The following MAPK8IP3 variants were observed in gnomAD, a reference collection of about 807,000 sequenced individuals.
MAPK8IP3 encodes the protein C-Jun-amino-terminal kinase-interacting protein 3.
Under a neutral mutation model 157.8 loss-of-function variants are expected in MAPK8IP3, and 49 were observed. The ratio of observed to expected loss-of-function variants is 0.31; its 90% CI spans 0.25 to 0.39. MAPK8IP3 has a LOEUF of 0.39. Ranked by LOEUF, MAPK8IP3 falls within the 10% of genes least tolerant of loss-of-function variation. The probability of loss-of-function intolerance (pLI) is 1.00; values close to 1 mark genes in which losing one functional copy is unlikely to be tolerated. For missense variants in MAPK8IP3, 1,478 were observed against 1,889.4 expected (o/e 0.78, Z 4.04); for synonymous variants, 897 against 777.7 (o/e 1.15, Z -2.55).
rs972375170 is a variant in MAPK8IP3, at chr16:1,764,865, T to A, written c.2281-148T>A. On this transcript the variant is annotated intron_variant, in intron 19 of 31. Transcript: ENST00000610761. The stretch of plus-strand genomic sequence containing the variant: ...TTTAGAGTGCAGTCCTGAGTCCGCA[T>A]TGTTCTGGTCCTGGGGGAGGACAGC... The A allele has an allele frequency of 2.9e-5, 22 of 746,928 alleles. 1 individual carries two copies. In the East Asian group the frequency reaches 6.0e-4, roughly 20 times the overall value. 46.3% of individuals were successfully genotyped at this position (746,928 alleles called of 1,614,324 possible). A position where few individuals can be genotyped will look rare whatever the true frequency, so the allele number is the denominator to read the frequency against.
intron 1 of MAPK8IP3, chr16:1,707,486 G>A (rs529461107): frequency 6.6e-6 from 1 of 152,394 alleles, no homozygotes; most frequent in East Asian, 1.9e-4. Flanking sequence ...TCTGTGCTAG[G>A]ATGTCTCCAT....
chr16:1,747,777 C>T (rs529149486), intron 6 of MAPK8IP3, among the ~76,000 whole-genome samples: 3 of 151,682 alleles, frequency 2.0e-5, no homozygotes, highest in South Asian at 2.1e-4. Context: ...CATCGCCCCA[C>T]GGCACACAGC....
At chr16:1,734,253 C>G (rs1055711370) in intron 4 of MAPK8IP3, among the ~76,000 whole-genome samples, 1 of 152,264 alleles carries the variant, frequency 6.6e-6, no homozygotes, top group Non-Finnish European at 1.5e-5. Context: ...CATGCCGAGG[C>G]CCTGACGGGA....
intron 8 of MAPK8IP3, among the ~76,000 whole-genome samples, chr16:1,757,739 C>T (rs539595365): frequency 1.1e-3 from 162 of 151,958 alleles, no homozygotes; most frequent in Non-Finnish European, 1.9e-3. Flanking sequence ...GTGTCTCCCT[C>T]GCCGCTCTCT....
chr16:1,735,437 GCATCCGTGTGAC>G (rs1215093587), intron 4 of MAPK8IP3, among the ~76,000 whole-genome samples: 3 of 147,108 alleles, frequency 2.0e-5, no homozygotes, highest in Non-Finnish European at 3.0e-5. Flanking sequence ...ATCCGTGTGA[GCATCCGTGTGAC>G]CGTCCGTGTG....
At chr16:1,768,169 G>T (rs755737622) in intron 29 of MAPK8IP3, 30 bp from the exon 30 acceptor site, 1 of 1,611,904 alleles carries the variant, frequency 6.2e-7, no homozygotes, top group South Asian at 1.1e-5. Flanking sequence ...CTGTATGCGG[G>T]CTCAGCGCCT....
At chr16:1,729,083 T>G in intron 2 of MAPK8IP3, 55 bp from the exon 3 acceptor site, 1 of 1,543,780 alleles carries the variant, frequency 6.5e-7, no homozygotes, top group Non-Finnish European at 9.0e-7. Flanking sequence ...AACCCAAGAG[T>G]TCAGGGCCAT....
At chr16:1,767,983 G>T in intron 28 of MAPK8IP3, 65 bp downstream of exon 28, 1 of 1,608,162 alleles carries the variant, frequency 6.2e-7, no homozygotes, top group Non-Finnish European at 8.5e-7. Context: ...TTCACGGGGT[G>T]GCTCTGCAGG....
At chr16:1,765,877 C>T (rs1398135055) in intron 20 of MAPK8IP3, 83 bp from the exon 21 acceptor site, 18 of 1,316,466 alleles carry the variant, frequency 1.4e-5, no homozygotes, top group Admixed American at 2.2e-5. Flanking sequence ...GCCCCGGCTT[C>T]CTCTGCCCCT....
rs376880718 is a variant in MAPK8IP3 at position 1,762,875 on chromosome 16, G to A, written c.1767G>A (p.Pro589=). ...TCAGCTCTTCCTCCAGCCCCCCTCC[G>A]GCCAAGCGCCCCTATCCCTCGGTGA... is the stretch of plus-strand genomic sequence containing the variant. ...RLFSSSSSPP[P]AKRPYPSVNI... Residue 589 remains proline, a synonymous_variant, in exon 16 of 32, where the codon CCG becomes CCA. Coordinates refer to ENST00000610761, the MANE Select transcript of MAPK8IP3 (RefSeq NM_001318852.2). The A allele has an allele frequency of 2.7e-5, 44 of 1,612,992 alleles. No individual in the cohort carries two copies. The highest frequency in any genetic ancestry group is 1.6e-4 in the African/African-American group (12 of 75,000).
Position 1,706,761 on chromosome 16 carries a change from C to T in MAPK8IP3, c.318+104C>T, listed in dbSNP as rs2142249238. 2.3e-6 allele frequency: 3 copies of T among 1,292,450 alleles called. No homozygotes were observed. Among genetic ancestry groups the T allele is most frequent in the South Asian group, 1.6e-5 (1 of 63,216 alleles). 80.1% of individuals were successfully genotyped at this position (1,292,450 alleles called of 1,614,324 possible). The stretch of plus-strand genomic sequence containing the variant: ...CCGACCCCAGACCCCGCTCCGGCAC[C>T]CCGGACCGCGGGACCCCTGGACCCC... On this transcript the variant is annotated intron_variant, in intron 1 of 31. Coordinates refer to ENST00000610761, the MANE Select transcript of MAPK8IP3 (RefSeq NM_001318852.2). This position sits in a 1 kb window ranked among gnomAD's most constrained non-coding sequence, Gnocchi z 5.1.
chr16:1,761,456 G>T, intron 13 of MAPK8IP3, 151 bp downstream of exon 13: 2 of 625,640 alleles, frequency 3.2e-6, no homozygotes, highest in Non-Finnish European at 5.8e-6. Context: ...AGGCAGAGCG[G>T]CCACCATTCA....
chr16:1,755,294 A>G (rs1365371072), intron 8 of MAPK8IP3, among the ~76,000 whole-genome samples: 1 of 152,192 alleles, frequency 6.6e-6, no homozygotes, highest in African/African-American at 2.4e-5. Flanking sequence ...TGTAAAATGA[A>G]GTCTAAGCCT....
intron 4 of MAPK8IP3, among the ~76,000 whole-genome samples, chr16:1,738,633 C>T (rs1426899702): frequency 9.0e-6 from 1 of 111,198 alleles, no homozygotes; most frequent in South Asian, 3.6e-4. Context: ...TCGGTGTGAG[C>T]GTGTGAGCGT....
At chr16:1,745,129 C>T in intron 5 of MAPK8IP3, 1 of 985,276 alleles carries the variant, frequency 1.0e-6, no homozygotes, top group South Asian at 4.7e-5. Context: ...GGGGAGTGTC[C>T]CATGGGTAAG....
At chr16:1,720,754 G>C (rs1460747652) in intron 1 of MAPK8IP3, among the ~76,000 whole-genome samples, 3 of 152,194 alleles carry the variant, frequency 2.0e-5, no homozygotes, top group Non-Finnish European at 2.9e-5. Context: ...TCCAGGCCAG[G>C]CCGGGTGCAG....
chr16:1,734,305 G>T (rs954113433), intron 4 of MAPK8IP3, among the ~76,000 whole-genome samples: 22 of 152,258 alleles, frequency 1.4e-4, no homozygotes, highest in African/African-American at 5.3e-4. Context: ...GCTATGGCTG[G>T]GCTACCCCTG....
At chr16:1,764,711 C>T (rs1596795343) in intron 19 of MAPK8IP3, among the ~76,000 whole-genome samples, 1 of 152,178 alleles carries the variant, frequency 6.6e-6, no homozygotes, top group Admixed American at 6.5e-5. Flanking sequence ...AGGCAGGCAG[C>T]AGGCACAGAG....
Position 1,751,423 on chromosome 16 carries a change from C to T in MAPK8IP3, c.1216+2703C>T. On this transcript the variant is annotated intron_variant, in intron 8 of 31. Transcript: ENST00000610761. This position sits in a 1 kb window ranked among gnomAD's most constrained non-coding sequence, Gnocchi z 5.0. ...GCAGTGAGCTGAGATCGCACCATTG[C>T]ACTCCAGCCTGGGTGACAGGGAGAG... is the stretch of plus-strand genomic sequence containing the variant. 6.6e-6 allele frequency: 1 copy of T among 152,144 alleles called. No homozygotes were observed. The allele number at this position is 152,144 out of a possible 1,614,324, so 9.4% of individuals were successfully genotyped here.
Sources: gnomAD v4.1 joint callset for allele counts (sites outside exome capture counted in the v4.1 genomes callset) on GRCh38, gnomAD v4.1.1 for gene constraint, Gnocchi (gnomAD v3.1) non-coding constraint, MANE v1.5 for transcripts, NCBI Gene and HGNC (gene_info 2026-07-23, HGNC 2026-07-21) for gene names.